The following RELCH variants were observed in gnomAD, a reference collection of about 807,000 sequenced individuals.
RELCH encodes RAB11-binding protein RELCH.
Under a neutral mutation model 150.3 loss-of-function variants are expected in RELCH, and 41 were observed. The observed-to-expected ratio is 0.27, with a 90% CI of 0.21 to 0.35. The LOEUF is 0.35. RELCH is among the 10% of genes least tolerant of loss of function. The probability of loss-of-function intolerance (pLI) is 1.00; values close to 1 mark genes in which losing one functional copy is unlikely to be tolerated. For synonymous variants in RELCH, 478 were observed against 531.8 expected, an observed-to-expected ratio of 0.90 and a Z score of 1.39; for missense variants, 1,092 against 1,467.8, an observed-to-expected ratio of 0.74 and a Z score of 4.18.
At chr18:62,188,823 A>G (rs556005148) in intron 1 of RELCH, among the ~76,000 whole-genome samples, 1 of 152,280 alleles carries the variant, frequency 6.6e-6, no homozygotes, top group African/African-American at 2.4e-5. Flanking sequence ...CTTACTGTCA[A>G]AGATGTAGTG....
Position 62,258,694 on chromosome 18 carries a change from T to A in RELCH, c.2202+18T>A, listed in dbSNP as rs763464846. The A allele has an allele frequency of 3.2e-6, 5 of 1,539,116 alleles. No individual in the cohort carries two copies. Among genetic ancestry groups the A allele is most frequent in the Non-Finnish European group, 4.4e-6 (5 of 1,140,854 alleles). On this transcript the variant is annotated intron_variant, in intron 15 of 28. Coordinates refer to ENST00000644646, the MANE Select transcript of RELCH (RefSeq NM_001346231.2). ...TTCTCAGGGTAAGTTCTTCTTTTGT[T>A]TATATAGTTTGTAGAAACTTAAAAG... is the stretch of plus-strand genomic sequence containing the variant.
chr18:62,275,279 A>G (rs542816888), intron 21 of RELCH, 95 bp from the exon 22 acceptor site: 63 of 584,130 alleles, frequency 1.1e-4, no homozygotes, highest in South Asian at 8.1e-4. Context: ...AAATATTATT[A>G]TCATTAATAT....
chr18:62,248,613 T>C (rs562901362), intron 11 of RELCH, among the ~76,000 whole-genome samples: 1 of 152,298 alleles, frequency 6.6e-6, no homozygotes, highest in South Asian at 2.1e-4. Context: ...TTCCCCTTTT[T>C]CCCACAGATG....
At chr18:62,223,835 G>A (rs1158153337) in intron 5 of RELCH, among the ~76,000 whole-genome samples, 1 of 152,056 alleles carries the variant, frequency 6.6e-6, no homozygotes, top group Non-Finnish European at 1.5e-5. Context: ...CATCTGAGAA[G>A]ATGCAGAAAA....
rs564738084 is a variant in RELCH at position 62,278,401 on chromosome 18, G to GT, written c.2968-1366dup. Among the ~76,000 whole-genome samples the GT allele has an allele frequency of 4.7e-4, 72 of 152,076 alleles. 1 individual carries two copies. The South Asian group carries it at 0.012, about 24-fold the overall frequency. ...TCATTTTATTCCTGGTTAATTATCTGTTTTTTTATAAAAATTATTTCAGAA... is the reference window on the plus strand; with the variant it reads ...TCATTTTATTCCTGGTTAATTATCTGTTTTTTTTATAAAAATTATTTCAGAA... On this transcript the variant is annotated intron_variant, in intron 22 of 28. Coordinates refer to ENST00000644646, the MANE Select transcript of RELCH (RefSeq NM_001346231.2).
At chr18:62,213,499 G>A (rs1032430739) in intron 2 of RELCH, among the ~76,000 whole-genome samples, 6 of 152,088 alleles carry the variant, frequency 3.9e-5, no homozygotes, top group African/African-American at 1.2e-4. Flanking sequence ...GGAGGCAGAG[G>A]CGGGTCGATC....
rs2045966899 is a variant in RELCH, at chr18:62,310,123, A to G, written c.*4589A>G. ...TTTCTCATTGACTTTATGATTTCAT[A>G]GATGCTTTATCTTCATTTCTGATCA... is the stretch of plus-strand genomic sequence containing the variant. On this transcript the variant is annotated 3_prime_UTR_variant, in exon 29 of 29. Transcript: ENST00000644646. The G allele has an allele frequency of 6.6e-6, 1 of 152,184 alleles. No homozygotes were observed. 9.4% of individuals were successfully genotyped at this position (152,184 alleles called of 1,614,324 possible). A position where few individuals can be genotyped will look rare whatever the true frequency, so the allele number is the denominator to read the frequency against.
At chr18:62,235,614 A>C (rs1051633912) in intron 10 of RELCH, among the ~76,000 whole-genome samples, 42 of 152,078 alleles carry the variant, frequency 2.8e-4, no homozygotes, top group African/African-American at 9.6e-4. Context: ...TAGATCTTTA[A>C]TTTCTTTCAG....
rs530134806 is a variant in RELCH, at chr18:62,231,080, T to C, written c.1449-114T>C. The C allele has an allele frequency of 7.7e-5, 53 of 685,044 alleles. No homozygotes were observed. In the Admixed American group the frequency reaches 1.1e-3, roughly 14 times the overall value. 42.4% of individuals were successfully genotyped at this position (685,044 alleles called of 1,614,324 possible). On this transcript the variant is annotated intron_variant, in intron 8 of 28. Transcript: ENST00000644646. ...CTGGTGGCTCAGAAATCTGGTTAGC[T>C]TTGTGGGGTAGGATTAATGCTGGAA...
At chr18:62,200,266 C>G (rs2039338956) in intron 1 of RELCH, among the ~76,000 whole-genome samples, 1 of 152,152 alleles carries the variant, frequency 6.6e-6, no homozygotes, top group African/African-American at 2.4e-5. Context: ...ATTGTTATCC[C>G]TGTATATGAC....
chr18:62,229,408 A>T (rs2041415282), intron 8 of RELCH, among the ~76,000 whole-genome samples: 1 of 151,770 alleles, frequency 6.6e-6, no homozygotes, highest in Non-Finnish European at 1.5e-5. Context: ...GGTTCCCATT[A>T]TTACTAAGAA....
At chr18:62,252,594 C>T (rs2042776343) in intron 11 of RELCH, 70 bp from the exon 12 acceptor site, 3 of 1,117,776 alleles carry the variant, frequency 2.7e-6, no homozygotes, top group Non-Finnish European at 4.1e-6. Flanking sequence ...AGAGATGAGA[C>T]TTTTTTAACC....
intron 1 of RELCH, among the ~76,000 whole-genome samples, chr18:62,205,958 A>G (rs764445506): frequency 7.9e-5 from 12 of 152,128 alleles, no homozygotes; most frequent in Non-Finnish European, 1.3e-4. Context: ...CAGGAAGTCG[A>G]GACTGCAGTA....
At chr18:62,224,632 C>A (rs1227503512) in intron 5 of RELCH, among the ~76,000 whole-genome samples, 3 of 151,916 alleles carry the variant, frequency 2.0e-5, no homozygotes, top group Non-Finnish European at 4.4e-5. Flanking sequence ...AATTGGAAAT[C>A]AAATTTTTAA....
chr18:62,219,317 C>CTTTTTTTTTT (rs1224380183), intron 2 of RELCH, among the ~76,000 whole-genome samples: 1 of 90,140 alleles, frequency 1.1e-5, no homozygotes, highest in East Asian at 5.6e-4. Flanking sequence ...GTTTTTTTTT[C>CTTTTTTTTTT]TTTTTTTCTT....
At chr18:62,264,187 C>G (rs748304833) in intron 17 of RELCH, 42 bp downstream of exon 17, 2 of 1,487,794 alleles carry the variant, frequency 1.3e-6, no homozygotes, top group African/African-American at 1.5e-5. Flanking sequence ...GATGATAACT[C>G]TTATATTTAG....
chr18:62,289,677 A>G (rs762626129), intron 26 of RELCH, among the ~76,000 whole-genome samples: 1 of 152,190 alleles, frequency 6.6e-6, no homozygotes, highest in African/African-American at 2.4e-5. Context: ...CCCTTAATAA[A>G]CTAAGAATCT....
chr18:62,301,226 G>A (rs890372208), intron 28 of RELCH, among the ~76,000 whole-genome samples: 1 of 152,212 alleles, frequency 6.6e-6, no homozygotes, highest in South Asian at 2.1e-4. Flanking sequence ...AGAGTACAGA[G>A]TACATGTGGG....
At chr18:62,218,630 A>G (rs1179468264) in intron 2 of RELCH, among the ~76,000 whole-genome samples, 1 of 151,940 alleles carries the variant, frequency 6.6e-6, no homozygotes, top group Non-Finnish European at 1.5e-5. Context: ...AGTTGCTTAT[A>G]CTGACTTTTA....
Sources: gnomAD v4.1 joint callset for allele counts (sites outside exome capture counted in the v4.1 genomes callset) on GRCh38, gnomAD v4.1.1 for gene constraint, MANE v1.5 for transcripts, NCBI Gene and HGNC (gene_info 2026-07-23, HGNC 2026-07-21) for gene names.